The following CASK variants were observed in gnomAD, a reference collection of about 807,000 sequenced individuals.
The protein encoded by CASK is peripheral plasma membrane protein CASK.
In CASK, 4 loss-of-function variants were observed where a neutral mutation model predicts 82.9. The ratio of observed to expected loss-of-function variants is 0.05; its 90% confidence interval spans 0.02 to 0.11. The LOEUF is 0.11. CASK is among the 10% of genes least tolerant of loss of function. The pLI is 1.00. For missense variants in CASK, 358 were observed against 720.9 expected, an observed-to-expected ratio of 0.50 and a Z score of 5.76; for synonymous variants, 259 against 253.5, an observed-to-expected ratio of 1.02 and a Z score of -0.20.
At chrX:41,651,182 G>T (rs917513297) in intron 8 of CASK, among the ~76,000 whole-genome samples, 3 of 111,956 alleles carry the variant, frequency 2.7e-5, no homozygotes, top group Admixed American at 9.5e-5. Context: ...AGTAGGTATG[G>T]TATAATGTTA....
intron 1 of CASK, among the ~76,000 whole-genome samples, chrX:41,887,016 T>A (rs1418535348): frequency 9.0e-6 from 1 of 110,743 alleles, no homozygotes; most frequent in Non-Finnish European, 1.9e-5. Context: ...TTTCAAAATA[T>A]ATTGCATACT....
intron 2 of CASK, among the ~76,000 whole-genome samples, chrX:41,850,292 C>A: frequency 8.9e-6 from 1 of 111,946 alleles, no homozygotes; most frequent in East Asian, 2.8e-4. Context: ...TCCCATAAGG[C>A]TAGGGGCTCT....
chrX:41,521,293 C>T (rs1267765469), intron 26 of CASK, among the ~76,000 whole-genome samples: 6 of 112,072 alleles, frequency 5.4e-5, no homozygotes, highest in Non-Finnish European at 1.1e-4. Flanking sequence ...CAATAAACAG[C>T]ACCTGGCATC....
chrX:41,564,518 C>A, intron 16 of CASK, among the ~76,000 whole-genome samples: 1 of 111,571 alleles, frequency 9.0e-6, no homozygotes, highest in Non-Finnish European at 1.9e-5. Flanking sequence ...CGCCACCATG[C>A]CCGGCTAACT....
intron 1 of CASK, among the ~76,000 whole-genome samples, chrX:41,899,657 G>T (rs188263928): frequency 9.0e-6 from 1 of 111,052 alleles, no homozygotes; most frequent in Non-Finnish European, 1.9e-5. Flanking sequence ...ATAAAAGTAC[G>T]ACACTTTTTC....
chrX:41,800,496 TTTC>T lies in CASK; in HGVS notation c.173-13216_173-13214del, dbSNP rs931570829. On this transcript the variant is annotated intron_variant, in intron 2 of 26. Coordinates refer to ENST00000378163, the MANE Select transcript of CASK (RefSeq NM_001367721.1). ...ATTTTTATTTATTTTTATTTTTTCT[TTTC>T]TTTTCTTTTATTATTATTATACTTT... Among the ~76,000 whole-genome samples the T allele has an allele frequency of 3.6e-5, 4 of 111,135 alleles. No homozygotes were observed. In the Admixed American group the frequency reaches 3.8e-4, roughly 11 times the overall value.
chrX:41,742,375 C>T (rs1373397103), intron 4 of CASK, among the ~76,000 whole-genome samples: 1 of 111,547 alleles, frequency 9.0e-6, no homozygotes, highest in Non-Finnish European at 1.9e-5. Context: ...AGCCTTCTGA[C>T]TGCCTGTATC....
chrX:41,644,713 C>T (rs1306176585), intron 8 of CASK, among the ~76,000 whole-genome samples: 1 of 112,038 alleles, frequency 8.9e-6, no homozygotes, highest in Non-Finnish European at 1.9e-5. Flanking sequence ...TTCTTTTTCT[C>T]AGCATGGAAC....
intron 21 of CASK, among the ~76,000 whole-genome samples, chrX:41,543,071 T>C (rs371721910): frequency 1.8e-5 from 2 of 112,355 alleles, no homozygotes; most frequent in African/African-American, 6.5e-5. Flanking sequence ...CATGTGGCCA[T>C]GAGATACAGT....
chrX:41,841,144 T>C (rs1329325835), intron 2 of CASK, among the ~76,000 whole-genome samples: 1 of 112,250 alleles, frequency 8.9e-6, no homozygotes, highest in East Asian at 2.8e-4. Context: ...TTACATCATT[T>C]TGTATTCCCA....
intron 1 of CASK, among the ~76,000 whole-genome samples, chrX:41,866,122 C>T (rs987165489): frequency 8.9e-6 from 1 of 112,490 alleles, no homozygotes; most frequent in African/African-American, 3.2e-5. Flanking sequence ...TGGTCTTCAC[C>T]GTAGTTGGCA....
At chrX:41,668,598 T>C (rs998495410) in intron 6 of CASK, among the ~76,000 whole-genome samples, 4 of 111,630 alleles carry the variant, frequency 3.6e-5, no homozygotes, top group Admixed American at 1.9e-4. Context: ...GGAGTGTAAA[T>C]ATGTTTAAAT....
chrX:41,735,221 G>A (rs902567920), intron 5 of CASK, among the ~76,000 whole-genome samples: 5 of 111,043 alleles, frequency 4.5e-5, no homozygotes, highest in South Asian at 3.7e-4. Context: ...TTCTGTTTTC[G>A]TTATTAAATA....
At chrX:41,739,062 C>T (rs937961281) in intron 5 of CASK, among the ~76,000 whole-genome samples, 1 of 111,721 alleles carries the variant, frequency 9.0e-6, no homozygotes, top group African/African-American at 3.2e-5. Flanking sequence ...AATTTCCCCC[C>T]CAATTAACTC....
intron 5 of CASK, among the ~76,000 whole-genome samples, chrX:41,677,838 T>G (rs748564709): frequency 8.9e-6 from 1 of 112,484 alleles, no homozygotes; most frequent in South Asian, 3.7e-4. Flanking sequence ...TCCCCTGGCC[T>G]GCTGGGATGT....
intron 5 of CASK, among the ~76,000 whole-genome samples, chrX:41,733,407 A>C (rs1489219915): frequency 9.0e-6 from 1 of 111,511 alleles, no homozygotes; most frequent in Non-Finnish European, 1.9e-5. Flanking sequence ...ATTATGTTAA[A>C]AAATCTTATA....
At chrX:41,854,672 C>T (rs1356697656) in intron 1 of CASK, among the ~76,000 whole-genome samples, 1 of 112,253 alleles carries the variant, frequency 8.9e-6, no homozygotes, top group Non-Finnish European at 1.9e-5. Flanking sequence ...AAACATTTAT[C>T]CAAGATGACA....
intron 15 of CASK, among the ~76,000 whole-genome samples, chrX:41,573,598 A>G (rs901666985): frequency 1.8e-5 from 2 of 111,386 alleles, no homozygotes; most frequent in African/African-American, 6.5e-5. Context: ...CTAATCTGCC[A>G]TTAATCCCAT....
intron 3 of CASK, among the ~76,000 whole-genome samples, chrX:41,773,878 G>A (rs1049069207): frequency 9.8e-5 from 11 of 111,765 alleles, no homozygotes; most frequent in African/African-American, 3.3e-4. Flanking sequence ...AGTAAGTGAT[G>A]AGTGAATGAG....
Sources: gnomAD v4.1 joint callset for allele counts (sites outside exome capture counted in the v4.1 genomes callset) on GRCh38, gnomAD v4.1.1 for gene constraint, MANE v1.5 for transcripts, NCBI Gene and HGNC (gene_info 2026-07-23, HGNC 2026-07-21) for gene names.